Variants in DAPK1 observed in about 807,000 individuals in gnomAD.
The protein encoded by DAPK1 is death associated protein kinase 1.
In DAPK1, 56 loss-of-function variants were observed where a neutral mutation model predicts 144.9. The ratio of observed to expected loss-of-function variants is 0.39; its 90% CI spans 0.31 to 0.48. DAPK1 has a LOEUF of 0.48. Ranked by LOEUF, DAPK1 falls within the 20% of genes least tolerant of loss-of-function variation. The pLI is 0.95. For synonymous variants in DAPK1, 690 were observed against 749.0 expected (o/e 0.92, Z 1.29); for missense variants, 1,454 against 1,875.4 (o/e 0.78, Z 4.15).
chr9:87,669,409 T>TA (rs1831176234), intron 19 of DAPK1, among the ~76,000 whole-genome samples: 1 of 152,146 alleles, frequency 6.6e-6, no homozygotes, highest in Non-Finnish European at 1.5e-5. Context: ...TCTACTATGT[T>TA]AAAATCCATA....
intron 2 of DAPK1, among the ~76,000 whole-genome samples, chr9:87,503,409 G>A (rs1224108537): frequency 6.6e-6 from 1 of 152,034 alleles, no homozygotes; most frequent in African/African-American, 2.4e-5. Flanking sequence ...AGATTATAGG[G>A]CAGAGACACT....
intron 17 of DAPK1, among the ~76,000 whole-genome samples, chr9:87,656,331 GGT>G (rs922464541): frequency 6.6e-6 from 1 of 152,078 alleles, no homozygotes; most frequent in African/African-American, 2.4e-5. Flanking sequence ...TAAGGGGTTT[GGT>G]GTCATTCTGT....
chr9:87,585,116 T>C (rs1057174502), intron 2 of DAPK1, among the ~76,000 whole-genome samples: 2 of 152,246 alleles, frequency 1.3e-5, no homozygotes, highest in East Asian at 1.9e-4. Flanking sequence ...TTCAAAACAC[T>C]TTTTCCCATT....
chr9:87,663,931 C>T (rs1294372167), intron 18 of DAPK1, among the ~76,000 whole-genome samples: 2 of 152,032 alleles, frequency 1.3e-5, no homozygotes, highest in Non-Finnish European at 2.9e-5. Flanking sequence ...TACTAAGTCT[C>T]CTCCCACTTC....
chr9:87,534,259 T>TTG (rs1041912022), intron 2 of DAPK1, among the ~76,000 whole-genome samples: 6 of 2,670 alleles, frequency 2.2e-3, no homozygotes, highest in Admixed American at 3.3e-3. Context: ...TTTTTTTTTG[T>TTG]TTTTTTTTTT....
At position 87,664,587 on chromosome 9, in the gene DAPK1, C is replaced by T. The variant is rs527543934; in HGVS notation, c.1924-4010C>T. Among the ~76,000 whole-genome samples the T allele has an allele frequency of 1.3e-4, 20 of 152,344 alleles. No homozygotes were observed. The East Asian group carries it at 3.5e-3, about 26-fold the overall frequency. On this transcript the variant is annotated intron_variant, in intron 18 of 25. Transcript: ENST00000408954. ...TGCCCCTGTGGGCTGGTAGTCCCTTCGCCTTCCTTGCTCTATTGGAATCGT... is the reference window on the plus strand; with the variant it reads ...TGCCCCTGTGGGCTGGTAGTCCCTTTGCCTTCCTTGCTCTATTGGAATCGT...
intron 21 of DAPK1, among the ~76,000 whole-genome samples, chr9:87,694,134 G>T (rs545533890): frequency 1.3e-4 from 20 of 152,206 alleles, no homozygotes; most frequent in Non-Finnish European, 2.4e-4. Context: ...CAGGCGTGGT[G>T]TGAGTGATGG....
intron 2 of DAPK1, among the ~76,000 whole-genome samples, chr9:87,573,924 TAAAG>T (rs754769175): frequency 2.6e-5 from 4 of 152,216 alleles, no homozygotes; most frequent in Non-Finnish European, 5.9e-5. Flanking sequence ...AATAATGACT[TAAAG>T]AAATAGGAGT....
At chr9:87,683,713 G>C (rs3128481) in intron 20 of DAPK1, among the ~76,000 whole-genome samples, 70,640 of 152,054 alleles carry the variant, frequency 0.46, 17,278 homozygotes, top group East Asian at 0.72. Flanking sequence ...CTGGTGAAGG[G>C]TGGCTCTGGG....
chr9:87,654,679 T>C (rs987005525), intron 17 of DAPK1, among the ~76,000 whole-genome samples: 2 of 152,202 alleles, frequency 1.3e-5, no homozygotes, highest in Admixed American at 1.3e-4. Flanking sequence ...TAGGATTCTT[T>C]AAATGAATCA....
At chr9:87,538,192 G>A (rs1358604522) in intron 2 of DAPK1, among the ~76,000 whole-genome samples, 2 of 152,144 alleles carry the variant, frequency 1.3e-5, no homozygotes, top group African/African-American at 4.8e-5. Context: ...TAATAATTGA[G>A]CTAAATAATG....
Position 87,681,413 on chromosome 9 carries a change from C to T in DAPK1, c.2011C>T (p.Arg671Ter), listed in dbSNP as rs1564067662. The T allele has an allele frequency of 1.3e-6, 2 of 1,598,456 alleles. No homozygotes were observed. The highest frequency in any genetic ancestry group is 2.2e-5 in the East Asian group (1 of 44,814). ...LLARLRKDTH[R>*]GLFIQQLRPT... ...TCTCATCCATGCTCAGGATACGCAC[C>T]GAGGACTCTTCATCCAGCAGCTCCG... The change falls in exon 20 of 26, where the codon CGA (arginine) becomes TGA (stop). Residue 671 changes from arginine to a stop codon, truncating the protein, a stop_gained. Transcript: ENST00000408954. LOFTEE classifies it high-confidence loss of function.
intron 2 of DAPK1, among the ~76,000 whole-genome samples, chr9:87,549,568 T>C (rs574116560): frequency 4.6e-5 from 7 of 152,204 alleles, no homozygotes; most frequent in African/African-American, 1.7e-4. Context: ...CTGTTTTAAT[T>C]AGGCATTTCA....
chr9:87,536,904 TGTTA>T (rs2118420176), intron 2 of DAPK1, among the ~76,000 whole-genome samples: 1 of 152,284 alleles, frequency 6.6e-6, no homozygotes, highest in South Asian at 2.1e-4. Context: ...GGAGTAGTGG[TGTTA>T]GTTCTACCAT....
intron 20 of DAPK1, among the ~76,000 whole-genome samples, chr9:87,685,499 T>A (rs1056885793): frequency 6.6e-6 from 1 of 152,176 alleles, no homozygotes; most frequent in African/African-American, 2.4e-5. Flanking sequence ...CCTTCTCCAA[T>A]GCAATTCGTT....
intron 19 of DAPK1, 150 bp downstream of exon 19, chr9:87,668,824 G>A (rs1564060453): frequency 3.0e-6 from 2 of 658,310 alleles, no homozygotes; most frequent in South Asian, 3.5e-5. Context: ...TTACATGTCA[G>A]TCGGTATAAA....
chr9:87,671,668 C>A (rs533141784), intron 19 of DAPK1, among the ~76,000 whole-genome samples: 4 of 152,254 alleles, frequency 2.6e-5, no homozygotes, highest in South Asian at 2.1e-4. Flanking sequence ...TGTCTCCACA[C>A]CCACCTGGCT....
intron 2 of DAPK1, among the ~76,000 whole-genome samples, chr9:87,536,767 T>C (rs544760021): frequency 2.0e-5 from 3 of 152,312 alleles, no homozygotes; most frequent in African/African-American, 7.2e-5. Flanking sequence ...TTATATTCTC[T>C]TTGAGAATAT....
chr9:87,640,558 CT>C, intron 8 of DAPK1, 108 bp downstream of exon 8: 1 of 1,297,642 alleles, frequency 7.7e-7, no homozygotes, highest in South Asian at 1.4e-5. Flanking sequence ...CTTGCTTCAT[CT>C]GCCAAAGGGC....
Sources: allele counts gnomAD v4.1 joint callset (sites outside exome capture counted in the v4.1 genomes callset), GRCh38; gene constraint gnomAD v4.1.1; transcripts MANE v1.5; gene names NCBI Gene and HGNC (gene_info 2026-07-23, HGNC 2026-07-21).